SSPN: variants seen among roughly 807,000 people sequenced by gnomAD.
The protein encoded by SSPN is K-ras oncogene-associated protein.
SSPN carries 15 observed loss-of-function variants against 19.1 expected under a neutral mutation model. That is an observed-to-expected ratio of 0.78 (90% CI 0.52 to 1.21). SSPN has a LOEUF of 1.21. Among genes scored for constraint, SSPN ranks in the 50% most tolerant of loss-of-function variants. The pLI, the probability that SSPN is intolerant of heterozygous loss-of-function variation, is 0.00. For missense variants in SSPN, 291 were observed against 314.0 expected, an observed-to-expected ratio of 0.93 and a Z score of 0.55; for synonymous variants, 147 against 140.3, an observed-to-expected ratio of 1.05 and a Z score of -0.34.
intron 1 of SSPN, among the ~76,000 whole-genome samples, chr12:26,173,945 G>T (rs186203132): frequency 2.5e-3 from 386 of 152,252 alleles, no homozygotes; most frequent in African/African-American, 7.8e-3. Flanking sequence ...TTCATTTGCA[G>T]CCATCTCCAA....
At position 26,232,502 on chromosome 12, in the gene SSPN, ATAAT is replaced by A. The variant is rs1413538472; in HGVS notation, c.*1428_*1431del. On this transcript the variant is annotated 3_prime_UTR_variant, in exon 3 of 3. Coordinates refer to ENST00000242729, the MANE Select transcript of SSPN (RefSeq NM_005086.5). ...TTTGTTGAAAGCAGAAATTAAGATA[ATAAT>A]TGAGTTCAATTCGCCTCTCCGCATT... 1 of 985,312 alleles carries A rather than the reference ATAAT, an allele frequency of 1.0e-6. No homozygotes were observed. The highest frequency in any genetic ancestry group is 1.2e-6 in the Non-Finnish European group (1 of 829,910). 61.0% of individuals were successfully genotyped at this position (985,312 alleles called of 1,614,324 possible). A position where few individuals can be genotyped will look rare whatever the true frequency, so the allele number is the denominator to read the frequency against.
At chr12:26,122,616 G>T (rs758323840) in intron 1 of SSPN, 2 of 1,154,320 alleles carry the variant, frequency 1.7e-6, no homozygotes, top group African/African-American at 1.7e-5. Flanking sequence ...CGCGGCTGCC[G>T]CCGCCGCCGC....
intron 1 of SSPN, among the ~76,000 whole-genome samples, chr12:26,131,964 C>T (rs561649842): frequency 6.6e-6 from 1 of 152,282 alleles, no homozygotes; most frequent in Non-Finnish European, 1.5e-5. Flanking sequence ...ACCTTCTCCC[C>T]TCAGCCCCTG....
intron 1 of SSPN, among the ~76,000 whole-genome samples, chr12:26,167,183 A>T (rs1411134970): frequency 6.6e-6 from 1 of 152,274 alleles, no homozygotes; most frequent in Non-Finnish European, 1.5e-5. Context: ...GAACTAGAAT[A>T]TTATTGAGGC....
intron 1 of SSPN, among the ~76,000 whole-genome samples, chr12:26,167,990 G>C (rs999510760): frequency 6.6e-6 from 1 of 152,274 alleles, no homozygotes; most frequent in African/African-American, 2.4e-5. Context: ...GAGGTGGGAG[G>C]ACAGCTTGAG....
chr12:26,144,791 C>T (rs1944480276), intron 1 of SSPN, among the ~76,000 whole-genome samples: 1 of 152,202 alleles, frequency 6.6e-6, no homozygotes, highest in African/African-American at 2.4e-5. Flanking sequence ...TTTATATTAT[C>T]CGACAAGTAG....
At chr12:26,221,280 C>T (rs1375773641) in intron 1 of SSPN, among the ~76,000 whole-genome samples, 1 of 152,218 alleles carries the variant, frequency 6.6e-6, no homozygotes, top group Non-Finnish European at 1.5e-5. Context: ...CATCTTTCTC[C>T]AGGAAGTTTT....
chr12:26,123,868 T>C (rs1944337240), intron 1 of SSPN: 1 of 798,718 alleles, frequency 1.3e-6, no homozygotes, highest in South Asian at 1.4e-5. Flanking sequence ...TTTTACTTCT[T>C]GAGCTTTCCA....
chr12:26,167,206 C>T (rs763119142), intron 1 of SSPN, among the ~76,000 whole-genome samples: 23 of 152,230 alleles, frequency 1.5e-4, no homozygotes, highest in Middle Eastern at 6.8e-3. Context: ...ACACCACATA[C>T]GTGAGGTTTT....
chr12:26,198,278 C>T (rs1944848434), intron 1 of SSPN, among the ~76,000 whole-genome samples: 1 of 152,220 alleles, frequency 6.6e-6, no homozygotes, highest in African/African-American at 2.4e-5. Context: ...GTTCTCGTGC[C>T]TCAGCCTCCT....
intron 1 of SSPN, among the ~76,000 whole-genome samples, chr12:26,220,552 T>C (rs1945109426): frequency 6.6e-6 from 1 of 152,188 alleles, no homozygotes; most frequent in Non-Finnish European, 1.5e-5. Flanking sequence ...AACTGGGCCC[T>C]TTTCTGTTTT....
At chr12:26,124,253 G>GGGGGGGGGGGGGGGGGC in intron 1 of SSPN, 2 of 785,892 alleles carry the variant, frequency 2.5e-6, no homozygotes, top group Admixed American at 2.1e-5. Context: ...ACCCTCGTCT[G>GGGGGGGGGGGGGGGGGC]CCCCCCCCGC....
chr12:26,179,474 C>T (rs1409243025), intron 1 of SSPN, among the ~76,000 whole-genome samples: 1 of 152,168 alleles, frequency 6.6e-6, no homozygotes, highest in African/African-American at 2.4e-5. Flanking sequence ...ACGGTACCAT[C>T]AGGGCAGAGG....
At chr12:26,149,641 AT>A (rs1944513195) in intron 1 of SSPN, among the ~76,000 whole-genome samples, 1 of 152,234 alleles carries the variant, frequency 6.6e-6, no homozygotes, top group Admixed American at 6.5e-5. Context: ...CTGGTGCATA[AT>A]TTGTACTCAG....
intron 1 of SSPN, among the ~76,000 whole-genome samples, chr12:26,185,106 A>G (rs563433338): frequency 6.6e-6 from 1 of 152,332 alleles, no homozygotes; most frequent in South Asian, 2.1e-4. Context: ...CTAATGCTTG[A>G]ACTGAAAATA....
chr12:26,122,627 G>T, intron 1 of SSPN: 1 of 1,211,564 alleles, frequency 8.3e-7, no homozygotes, highest in Non-Finnish European at 1.0e-6. Context: ...CCGCCGCCGC[G>T]CCGCCCCCCG....
At chr12:26,140,159 A>G (rs1295542129) in intron 1 of SSPN, among the ~76,000 whole-genome samples, 1 of 152,204 alleles carries the variant, frequency 6.6e-6, no homozygotes, top group African/African-American at 2.4e-5. Flanking sequence ...CATGAAATAT[A>G]GTTGTTTTTA....
Position 26,122,619 on chromosome 12 carries a change from G to A in SSPN, c.-31+467G>A, listed in dbSNP as rs763993147. The A allele has an allele frequency of 2.1e-5, 24 of 1,167,938 alleles. No homozygotes were observed. The highest frequency in any genetic ancestry group is 3.5e-4 in the Middle Eastern group (1 of 2,856). 72.3% of individuals were successfully genotyped at this position (1,167,938 alleles called of 1,614,324 possible). On this transcript the variant is annotated intron_variant, in intron 1 of 2. Transcript: ENST00000538142. ...GGGCCCCAGAAGCGCGGCTGCCGCC[G>A]CCGCCGCGCCGCCCCCCGGGCCGCC...
intron 2 of SSPN, among the ~76,000 whole-genome samples, chr12:26,230,316 G>T (rs892027372): frequency 3.9e-5 from 6 of 152,150 alleles, no homozygotes; most frequent in African/African-American, 1.2e-4. Context: ...TTACTTCCTA[G>T]TCTTGTTTCA....
Sources: allele counts gnomAD v4.1 joint callset (sites outside exome capture counted in the v4.1 genomes callset), GRCh38; gene constraint gnomAD v4.1.1; transcripts MANE v1.5; gene names NCBI Gene and HGNC (gene_info 2026-07-23, HGNC 2026-07-21).